EYS: variants seen among roughly 807,000 people sequenced by gnomAD.
EYS encodes protein eyes shut homolog.
In EYS, 250 loss-of-function variants were observed where a neutral mutation model predicts 282.1. That is an observed-to-expected ratio of 0.89 (90% CI 0.80 to 0.98). The LOEUF is 0.98. EYS is among the 50% of genes least tolerant of loss of function. The probability of loss-of-function intolerance (pLI) is 0.00; values close to 1 mark genes in which losing one functional copy is unlikely to be tolerated. For synonymous variants in EYS, 1,355 were observed against 1,282.9 expected, an observed-to-expected ratio of 1.06 and a Z score of -1.20; for missense variants, 4,016 against 3,709.0, an observed-to-expected ratio of 1.08 and a Z score of -2.15.
At chr6:63,993,307 G>A (rs1262590418) in intron 34 of EYS, among the ~76,000 whole-genome samples, 2 of 151,190 alleles carry the variant, frequency 1.3e-5, no homozygotes, top group African/African-American at 4.9e-5. Flanking sequence ...CCTGGCTGGA[G>A]CAGTTAGGCA....
intron 19 of EYS, among the ~76,000 whole-genome samples, chr6:64,856,711 G>T (rs760757432): frequency 4.2e-4 from 64 of 151,832 alleles, no homozygotes; most frequent in Non-Finnish European, 7.4e-4. Flanking sequence ...ATCTCATTTT[G>T]TGCTTGTCTT....
rs369993811 is a variant in EYS, at chr6:64,617,457, A to T, written c.3645T>A (p.Asn1215Lys). The T allele has an allele frequency of 5.2e-6, 8 of 1,550,810 alleles. No homozygotes were observed. In the African/African-American group the frequency reaches 1.1e-4, roughly 21 times the overall value. ...NSCVHELCME[N>K]EPGSTCLCTP... ...TGCATAAACATGTCGAGCCAGGTTC[A>T]TTCTCCATGCAGAGTTCATGAACAC... is the stretch of plus-strand genomic sequence containing the variant. Residue 1215 changes from asparagine (N) to lysine (K), a missense_variant, in exon 24 of 43, where the codon AAT (asparagine) becomes AAA (lysine). Coordinates refer to ENST00000503581, the MANE Select transcript of EYS (RefSeq NM_001142800.2).
intron 24 of EYS, among the ~76,000 whole-genome samples, chr6:64,611,735 A>C (rs999975290): frequency 6.6e-6 from 1 of 152,134 alleles, no homozygotes; most frequent in African/African-American, 2.4e-5. Context: ...TGAATGTAAG[A>C]CTAGTGTATA....
intron 31 of EYS, among the ~76,000 whole-genome samples, chr6:64,111,784 ATTTAAATTCTGG>A (rs1773213716): frequency 6.6e-6 from 1 of 152,060 alleles, no homozygotes; most frequent in South Asian, 2.1e-4. Context: ...GCTTATCCAG[ATTTAAATTCTGG>A]TTGAAAGTCC....
intron 7 of EYS, among the ~76,000 whole-genome samples, chr6:65,385,821 A>G (rs1765777056): frequency 6.6e-6 from 1 of 152,030 alleles, no homozygotes; most frequent in African/African-American, 2.4e-5. Context: ...CTGAGGGGCT[A>G]GCTAGATATC....
intron 7 of EYS, among the ~76,000 whole-genome samples, chr6:65,399,467 A>G (rs1766411287): frequency 6.6e-6 from 1 of 152,024 alleles, no homozygotes; most frequent in Non-Finnish European, 1.5e-5. Flanking sequence ...AATAATTTAG[A>G]AATACAGACA....
At chr6:64,897,928 C>A (rs750198106) in intron 18 of EYS, among the ~76,000 whole-genome samples, 4 of 152,152 alleles carry the variant, frequency 2.6e-5, no homozygotes, top group Non-Finnish European at 4.4e-5. Flanking sequence ...AAGGAACAAA[C>A]AAAGTCTCCA....
At chr6:65,102,363 AT>A (rs1032011997) in intron 12 of EYS, among the ~76,000 whole-genome samples, 2 of 151,282 alleles carry the variant, frequency 1.3e-5, no homozygotes, top group Non-Finnish European at 3.0e-5. Context: ...TTCGATGCTA[AT>A]TTTTTAAGTG....
At chr6:63,916,054 G>A (rs1286272200) in intron 35 of EYS, among the ~76,000 whole-genome samples, 1 of 152,200 alleles carries the variant, frequency 6.6e-6, no homozygotes, top group African/African-American at 2.4e-5. Flanking sequence ...CTATCAAACA[G>A]CATCACATGC....
chr6:64,887,630 A>C (rs767296799), intron 18 of EYS, among the ~76,000 whole-genome samples: 1 of 151,926 alleles, frequency 6.6e-6, no homozygotes, highest in Admixed American at 6.6e-5. Flanking sequence ...AATTAACTTC[A>C]CTCATCATTT....
intron 31 of EYS, among the ~76,000 whole-genome samples, chr6:64,226,937 C>T (rs919602997): frequency 2.0e-5 from 3 of 151,948 alleles, no homozygotes; most frequent in African/African-American, 7.2e-5. Flanking sequence ...CTCTATTTTG[C>T]TGTGTAACAT....
At chr6:65,620,518 A>G (rs943768450) in intron 2 of EYS, among the ~76,000 whole-genome samples, 1 of 150,610 alleles carries the variant, frequency 6.6e-6, no homozygotes, top group Non-Finnish European at 1.5e-5. Flanking sequence ...TGGATTCGTT[A>G]ATTTTTTGAA....
At chr6:63,997,212 G>A (rs149061587) in intron 34 of EYS, among the ~76,000 whole-genome samples, 34 of 152,228 alleles carry the variant, frequency 2.2e-4, no homozygotes, top group African/African-American at 7.2e-4. Context: ...AGAGGAAAAG[G>A]CAGTAGAAAA....
intron 2 of EYS, among the ~76,000 whole-genome samples, chr6:65,499,929 C>T (rs999513766): frequency 4.6e-5 from 7 of 151,784 alleles, no homozygotes. Context: ...GACAATGATC[C>T]TGTGAGGTAC....
chr6:65,595,207 A>C (rs920149859), intron 2 of EYS, among the ~76,000 whole-genome samples: 1 of 152,130 alleles, frequency 6.6e-6, no homozygotes, highest in Non-Finnish European at 1.5e-5. Flanking sequence ...TTCTCAGCAA[A>C]CTATCGCAAG....
At chr6:64,180,771 T>A (rs1379682977) in intron 31 of EYS, among the ~76,000 whole-genome samples, 3 of 152,136 alleles carry the variant, frequency 2.0e-5, no homozygotes, top group Admixed American at 6.6e-5. Flanking sequence ...CAAAAAAAGA[T>A]CTTTGTCCTA....
chr6:65,418,971 G>C (rs1009313058), intron 5 of EYS, among the ~76,000 whole-genome samples: 12 of 151,938 alleles, frequency 7.9e-5, no homozygotes, highest in African/African-American at 2.9e-4. Context: ...TTAAAGCTTT[G>C]ATCAGGGGCT....
chr6:64,390,947 A>C (rs1773110848), intron 28 of EYS, among the ~76,000 whole-genome samples: 1 of 151,750 alleles, frequency 6.6e-6, no homozygotes, highest in Non-Finnish European at 1.5e-5. Context: ...ATGGAGCTGA[A>C]AACCAAGGCT....
chr6:64,146,028 T>C (rs763745314), intron 31 of EYS, among the ~76,000 whole-genome samples: 3 of 152,156 alleles, frequency 2.0e-5, no homozygotes, highest in Admixed American at 1.3e-4. Context: ...ATACCATTTT[T>C]TTTTCATGAC....
Sources: allele counts gnomAD v4.1 joint callset (sites outside exome capture counted in the v4.1 genomes callset), GRCh38; gene constraint gnomAD v4.1.1; transcripts MANE v1.5; gene names NCBI Gene and HGNC (gene_info 2026-07-23, HGNC 2026-07-21).